The following SYN3 variants were observed in gnomAD, a reference collection of about 807,000 sequenced individuals.
SYN3 encodes synapsin-3.
SYN3 carries 35 observed loss-of-function variants against 65.8 expected under a neutral mutation model. That is an observed-to-expected ratio of 0.53 (90% CI 0.41 to 0.70). The LOEUF (loss-of-function observed/expected upper bound fraction) is 0.70. SYN3 is among the 30% of genes least tolerant of loss of function. The pLI is 0.00. For missense variants in SYN3, 680 were observed against 749.0 expected, an observed-to-expected ratio of 0.91 and a Z score of 1.08; for synonymous variants, 270 against 292.9, an observed-to-expected ratio of 0.92 and a Z score of 0.80.
intron 4 of SYN3, among the ~76,000 whole-genome samples, chr22:32,883,348 T>A (rs979948531): frequency 6.6e-6 from 1 of 152,176 alleles, no homozygotes; most frequent in African/African-American, 2.4e-5. Context: ...GGCTTCCAGC[T>A]CAGTCGGATG....
intron 3 of SYN3, among the ~76,000 whole-genome samples, chr22:32,962,680 G>A (rs931302085): frequency 6.6e-6 from 1 of 152,136 alleles, no homozygotes; most frequent in Non-Finnish European, 1.5e-5. Context: ...CCAATTCTAA[G>A]CTGCGTTGCT....
In SYN3 at chr22:32,512,209, A is replaced by G. The variant is rs1327608988; in HGVS notation, c.*1483T>C. Among the ~76,000 whole-genome samples, 2 of 152,206 alleles carry G rather than the reference A, an allele frequency of 1.3e-5. No homozygotes were observed. The highest frequency in any genetic ancestry group is 1.3e-4 in the Admixed American group (2 of 15,288). ...CTTGGCTGATTACCAAACAATCTAC[A>G]TTGCTTGGGCATAACTAGAAGCTGC... On this transcript the variant is annotated 3_prime_UTR_variant, in exon 14 of 14. Transcript: ENST00000358763.
chr22:32,514,955 G>T (rs747952462), intron 13 of SYN3, among the ~76,000 whole-genome samples: 2 of 152,094 alleles, frequency 1.3e-5, no homozygotes, highest in African/African-American at 2.4e-5. Context: ...GGCGGAGCTT[G>T]CAGTGAGCCG....
At chr22:32,902,916 G>A (rs894111477) in intron 4 of SYN3, among the ~76,000 whole-genome samples, 58 of 151,750 alleles carry the variant, frequency 3.8e-4, no homozygotes, top group African/African-American at 1.4e-3. Flanking sequence ...ATTTTACTGA[G>A]GAGGACACTG....
At chr22:32,968,656 C>G (rs2051921010) in intron 3 of SYN3, among the ~76,000 whole-genome samples, 1 of 152,192 alleles carries the variant, frequency 6.6e-6, no homozygotes, top group Non-Finnish European at 1.5e-5. Context: ...TGCTCTTTAG[C>G]TAGAAGGCCC....
intron 6 of SYN3, among the ~76,000 whole-genome samples, chr22:32,622,008 T>C (rs1295600059): frequency 6.6e-6 from 1 of 151,846 alleles, no homozygotes; most frequent in Non-Finnish European, 1.5e-5. Context: ...CCTGGGCACC[T>C]CATTTCCTCC....
At chr22:32,628,090 G>C (rs541346839) in intron 6 of SYN3, among the ~76,000 whole-genome samples, 5 of 152,250 alleles carry the variant, frequency 3.3e-5, no homozygotes, top group African/African-American at 1.2e-4. Flanking sequence ...ATCCCAAAGT[G>C]TGGGGATTAC....
intron 1 of SYN3, among the ~76,000 whole-genome samples, chr22:33,021,317 T>C (rs1043496694): frequency 1.3e-5 from 2 of 152,158 alleles, no homozygotes; most frequent in African/African-American, 2.4e-5. Flanking sequence ...TTTTTTAAGT[T>C]AACATAGAAT....
intron 6 of SYN3, among the ~76,000 whole-genome samples, chr22:32,649,018 G>T (rs556033846): frequency 2.0e-5 from 3 of 152,310 alleles, no homozygotes; most frequent in African/African-American, 7.2e-5. Context: ...ACAGTTGATT[G>T]TATCATCGTT....
intron 6 of SYN3, among the ~76,000 whole-genome samples, chr22:32,738,025 T>A (rs1333258099): frequency 6.6e-6 from 1 of 152,234 alleles, no homozygotes; most frequent in Non-Finnish European, 1.5e-5. Context: ...AGGGTTTTTC[T>A]GTTGTAGCAA....
intron 6 of SYN3, among the ~76,000 whole-genome samples, chr22:32,644,244 C>T (rs2146906609): frequency 6.6e-6 from 1 of 152,092 alleles, no homozygotes; most frequent in Middle Eastern, 3.4e-3. Context: ...TGGAATTTGA[C>T]CCCATTGCTA....
intron 6 of SYN3, among the ~76,000 whole-genome samples, chr22:32,814,168 A>G (rs5754293): frequency 0.028 from 2,644 of 93,898 alleles, 16 homozygotes; most frequent in South Asian, 0.046. Context: ...GAGAGAGAGA[A>G]AGAGAAAGAA....
chr22:32,621,633 G>T (rs752737764), intron 6 of SYN3, among the ~76,000 whole-genome samples: 1 of 152,148 alleles, frequency 6.6e-6, no homozygotes, highest in Admixed American at 6.5e-5. Flanking sequence ...GGCCTGAAGC[G>T]AGTGCTGCCT....
intron 6 of SYN3, among the ~76,000 whole-genome samples, chr22:32,667,016 C>T (rs1384061671): frequency 7.9e-5 from 12 of 152,178 alleles, no homozygotes; most frequent in Non-Finnish European, 1.3e-4. Flanking sequence ...GATCTCCTCA[C>T]GGAACACAAG....
intron 6 of SYN3, among the ~76,000 whole-genome samples, chr22:32,612,162 T>C (rs2059454031): frequency 6.6e-6 from 1 of 152,176 alleles, no homozygotes; most frequent in Non-Finnish European, 1.5e-5. Context: ...CTTTCTCACA[T>C]CTCTTATAAT....
chr22:32,770,564 C>A (rs977073741), intron 6 of SYN3, among the ~76,000 whole-genome samples: 3 of 152,290 alleles, frequency 2.0e-5, no homozygotes, highest in African/African-American at 7.2e-5. Flanking sequence ...TGTTCTAAAA[C>A]CTCTTCTCCC....
intron 3 of SYN3, among the ~76,000 whole-genome samples, chr22:32,955,433 A>G (rs142450561): frequency 6.6e-6 from 1 of 152,292 alleles, no homozygotes; most frequent in African/African-American, 2.4e-5. Flanking sequence ...CAGTGAGGGC[A>G]TGAGCCATGC....
chr22:32,512,630 A>G lies in SYN3; in HGVS notation c.*1062T>C, dbSNP rs993428597. On this transcript the variant is annotated 3_prime_UTR_variant, in exon 14 of 14. Coordinates refer to ENST00000358763, the MANE Select transcript of SYN3 (RefSeq NM_003490.4). Reference sequence around the variant, plus strand: ...CATATATTATATACAATGCGTCTCCAAAAAAAGAAATACAAACAGCGGTTC... The same window carrying G: ...CATATATTATATACAATGCGTCTCCGAAAAAAGAAATACAAACAGCGGTTC... The G allele has an allele frequency of 2.6e-5, 4 of 152,246 alleles. No homozygotes were observed. The allele number at this position is 152,246 out of a possible 1,614,324, so 9.4% of individuals were successfully genotyped here. A position where few individuals can be genotyped will look rare whatever the true frequency, so the allele number is the denominator to read the frequency against.
intron 6 of SYN3, among the ~76,000 whole-genome samples, chr22:32,671,068 G>T (rs1171610571): frequency 1.3e-5 from 2 of 152,174 alleles, no homozygotes; most frequent in Non-Finnish European, 2.9e-5. Flanking sequence ...TTCTTCAGTG[G>T]GTTTCAGTTT....
Sources: allele counts gnomAD v4.1 joint callset (sites outside exome capture counted in the v4.1 genomes callset), GRCh38; gene constraint gnomAD v4.1.1; transcripts MANE v1.5; gene names NCBI Gene and HGNC (gene_info 2026-07-23, HGNC 2026-07-21).